Variants in MAGI1 observed in about 807,000 individuals in gnomAD.
MAGI1 encodes the protein membrane associated guanylate kinase, WW and PDZ domain containing 1.
MAGI1 carries 58 observed loss-of-function variants against 139.9 expected under a neutral mutation model. The observed-to-expected ratio is 0.41, with a 90% CI of 0.34 to 0.52. The LOEUF (loss-of-function observed/expected upper bound fraction) is 0.52, where lower values mean the gene tolerates loss of function less well. MAGI1 is among the 20% of genes least tolerant of loss of function. MAGI1 has a pLI of 0.12. For missense variants in MAGI1, 1,874 were observed against 1,901.6 expected (o/e 0.99, Z 0.27); for synonymous variants, 812 against 737.9 (o/e 1.10, Z -1.63).
intron 1 of MAGI1, among the ~76,000 whole-genome samples, chr3:65,626,210 G>T (rs2107108560): frequency 6.6e-6 from 1 of 152,272 alleles, no homozygotes; most frequent in East Asian, 1.9e-4. Flanking sequence ...TTCCAAAGGA[G>T]TTTTCAGATA....
At chr3:65,584,167 C>T (rs2081567605) in intron 2 of MAGI1, among the ~76,000 whole-genome samples, 1 of 151,532 alleles carries the variant, frequency 6.6e-6, no homozygotes, top group Non-Finnish European at 1.5e-5. Context: ...CAAGCATTGC[C>T]CAGCCTACAG....
At chr3:65,561,047 G>A (rs577926533) in intron 2 of MAGI1, among the ~76,000 whole-genome samples, 4 of 152,284 alleles carry the variant, frequency 2.6e-5, no homozygotes, top group Admixed American at 2.6e-4. Flanking sequence ...AAGGCACTTA[G>A]ACAGCGTTAG....
At chr3:65,846,454 C>G (rs1322437191) in intron 1 of MAGI1, among the ~76,000 whole-genome samples, 2 of 152,166 alleles carry the variant, frequency 1.3e-5, no homozygotes, top group African/African-American at 4.8e-5. Flanking sequence ...TCTAACCACA[C>G]TTCATTTGTA....
In MAGI1 at chr3:66,027,889, A is replaced by G. The variant is rs540253918; in HGVS notation, c.313+10107T>C. On this transcript the variant is annotated intron_variant, in intron 1 of 22. Transcript: ENST00000402939. ...AGATGCCAGAAGCAACCCTCTCCTTAATTGTGACAACCAAAAATGGCTCCA... is the reference window on the plus strand; with the variant it reads ...AGATGCCAGAAGCAACCCTCTCCTTGATTGTGACAACCAAAAATGGCTCCA... 7.2e-5 allele frequency among the ~76,000 whole-genome samples: 11 copies of G among 152,196 alleles called. No homozygotes were observed. In the South Asian group the frequency reaches 2.1e-3, roughly 29 times the overall value.
chr3:65,908,419 G>C (rs1424384070), intron 1 of MAGI1, among the ~76,000 whole-genome samples: 1 of 151,724 alleles, frequency 6.6e-6, no homozygotes, highest in African/African-American at 2.4e-5. Flanking sequence ...TTCTCTGCTG[G>C]AATTACAGGC....
intron 1 of MAGI1, among the ~76,000 whole-genome samples, chr3:65,865,987 T>G (rs2059711230): frequency 6.6e-6 from 1 of 152,216 alleles, no homozygotes; most frequent in South Asian, 2.1e-4. Context: ...TGACATGGAA[T>G]GATGTTCATA....
chr3:65,986,996 G>A (rs1009713150), intron 1 of MAGI1, among the ~76,000 whole-genome samples: 1 of 151,420 alleles, frequency 6.6e-6, no homozygotes, highest in Non-Finnish European at 1.5e-5. Context: ...TCAGTTTCCA[G>A]AGTAGCTGGG....
chr3:65,899,632 A>T (rs73138939), intron 1 of MAGI1, among the ~76,000 whole-genome samples: 1 of 152,166 alleles, frequency 6.6e-6, no homozygotes, highest in East Asian at 1.9e-4. Flanking sequence ...CAGAAAGAAC[A>T]ACTATGACCT....
At chr3:66,024,539 G>C (rs1009108564) in intron 1 of MAGI1, among the ~76,000 whole-genome samples, 1 of 152,122 alleles carries the variant, frequency 6.6e-6, no homozygotes, top group Admixed American at 6.5e-5. Context: ...GGGCGCGGTG[G>C]CTCACGCCTG....
chr3:65,733,253 T>G (rs554694468), intron 1 of MAGI1, among the ~76,000 whole-genome samples: 2 of 152,260 alleles, frequency 1.3e-5, no homozygotes, highest in Admixed American at 6.5e-5. Flanking sequence ...AGAAATGGGA[T>G]TTCACCATGT....
intron 1 of MAGI1, among the ~76,000 whole-genome samples, chr3:65,868,969 A>C (rs1374936757): frequency 6.6e-6 from 1 of 151,996 alleles, no homozygotes; most frequent in Non-Finnish European, 1.5e-5. Context: ...TCAACTTCTA[A>C]CATACCTCAT....
intron 2 of MAGI1, among the ~76,000 whole-genome samples, chr3:65,607,391 G>C (rs140753353): frequency 6.6e-6 from 1 of 152,036 alleles, no homozygotes; most frequent in South Asian, 2.1e-4. Flanking sequence ...TCTGTTAACA[G>C]AAGTGGTATC....
At chr3:65,873,570 T>A (rs976164747) in intron 1 of MAGI1, 4 of 152,180 alleles carry the variant, frequency 2.6e-5, no homozygotes, top group African/African-American at 9.7e-5. Flanking sequence ...ACTGCTGAAA[T>A]CCACTCATTT....
intron 1 of MAGI1, among the ~76,000 whole-genome samples, chr3:65,834,598 G>T (rs1471144514): frequency 6.6e-6 from 1 of 152,176 alleles, no homozygotes; most frequent in African/African-American, 2.4e-5. Context: ...GATTCAGTTA[G>T]CTGATGGTGT....
intron 1 of MAGI1, among the ~76,000 whole-genome samples, chr3:65,915,538 A>T (rs555703399): frequency 1.6e-4 from 25 of 152,228 alleles, no homozygotes; most frequent in African/African-American, 5.8e-4. Flanking sequence ...TTCTTTTTTT[A>T]AAATCCCTGA....
chr3:65,534,222 C>T (rs2078846969), intron 2 of MAGI1, among the ~76,000 whole-genome samples: 1 of 152,134 alleles, frequency 6.6e-6, no homozygotes, highest in Non-Finnish European at 1.5e-5. Context: ...GGGCTCATGC[C>T]TGTAATCCCA....
At chr3:65,535,156 A>T (rs937874055) in intron 2 of MAGI1, among the ~76,000 whole-genome samples, 8 of 152,160 alleles carry the variant, frequency 5.3e-5, no homozygotes, top group African/African-American at 1.9e-4. Flanking sequence ...CATGAATTTG[A>T]AAAAGATATG....
At chr3:65,809,598 A>G (rs2041089486) in intron 1 of MAGI1, among the ~76,000 whole-genome samples, 2 of 152,170 alleles carry the variant, frequency 1.3e-5, no homozygotes, top group Non-Finnish European at 2.9e-5. Context: ...AAAAACTTTC[A>G]GCTGTGATGG....
chr3:65,687,554 A>G (rs142496079), intron 1 of MAGI1: 315 of 374,818 alleles, frequency 8.4e-4, no homozygotes, highest in African/African-American at 6.4e-3. Flanking sequence ...AAACAATGTG[A>G]TTGACAATCT....
Sources: gnomAD v4.1 joint callset for allele counts (sites outside exome capture counted in the v4.1 genomes callset) on GRCh38, gnomAD v4.1.1 for gene constraint, MANE v1.5 for transcripts, NCBI Gene and HGNC (gene_info 2026-07-23, HGNC 2026-07-21) for gene names.